Variants in MYCBP2 observed in about 807,000 individuals in gnomAD.
The protein encoded by MYCBP2 is E3 ubiquitin-protein ligase MYCBP2.
Under a neutral mutation model 525.3 loss-of-function variants are expected in MYCBP2, and 120 were observed. The ratio of observed to expected loss-of-function variants is 0.23; its 90% confidence interval spans 0.20 to 0.27. MYCBP2 has a LOEUF of 0.27. Among genes scored for constraint, MYCBP2 ranks in the 10% least tolerant of loss-of-function variants. The probability of loss-of-function intolerance (pLI) is 1.00; values close to 1 mark genes in which losing one functional copy is unlikely to be tolerated. For synonymous variants in MYCBP2, 1,894 were observed against 1,955.8 expected (o/e 0.97, Z 0.83); for missense variants, 4,149 against 5,657.1 (o/e 0.73, Z 8.55).
rs562562490 is a variant in MYCBP2 at position 77,202,422 on chromosome 13, A to G, written c.3843+2834T>C. On this transcript the variant is annotated intron_variant, in intron 26 of 82. Transcript: ENST00000544440. ...AATCAACAGCTTACCAACCAAAAAG[A>G]GTCCAGGACCAGATGGATTCACAGC... 6.8e-3 allele frequency among the ~76,000 whole-genome samples: 1,038 copies of G among 152,322 alleles called. 6 individuals carry two copies. The highest frequency in any genetic ancestry group is 0.024 in the African/African-American group (988 of 41,562).
intron 1 of MYCBP2, among the ~76,000 whole-genome samples, chr13:77,303,712 G>C (rs2079065319): frequency 6.6e-6 from 1 of 151,864 alleles, no homozygotes; most frequent in South Asian, 2.1e-4. Context: ...GTAGAATGCT[G>C]CTAACGCAGT....
At chr13:77,240,453 CA>C (rs1436134976) in intron 17 of MYCBP2, among the ~76,000 whole-genome samples, 3 of 151,914 alleles carry the variant, frequency 2.0e-5, no homozygotes, top group Non-Finnish European at 4.4e-5. Context: ...ACTAAAAATA[CA>C]AAAATTAGCC....
At chr13:77,082,964 T>C in intron 63 of MYCBP2, 68 bp downstream of exon 63, 1 of 1,456,046 alleles carries the variant, frequency 6.9e-7, no homozygotes, top group Non-Finnish European at 9.3e-7. Flanking sequence ...TTTGGAGCAT[T>C]TCATACTTTG....
intron 82 of MYCBP2, among the ~76,000 whole-genome samples, chr13:77,047,007 T>A (rs75830615): frequency 1.3e-5 from 2 of 151,772 alleles, no homozygotes; most frequent in South Asian, 4.2e-4. Flanking sequence ...AGCCCTTGGG[T>A]TTTTTCAAGG....
At chr13:77,133,100 T>A (rs2053180885) in intron 52 of MYCBP2, among the ~76,000 whole-genome samples, 1 of 152,162 alleles carries the variant, frequency 6.6e-6, no homozygotes, top group Non-Finnish European at 1.5e-5. Context: ...CATCCTTTTA[T>A]AACTATATTT....
At chr13:77,271,121 C>A (rs553767075) in intron 5 of MYCBP2, among the ~76,000 whole-genome samples, 1 of 152,060 alleles carries the variant, frequency 6.6e-6, no homozygotes, top group Non-Finnish European at 1.5e-5. Flanking sequence ...ATTACTTTAA[C>A]CATACTTTAT....
At chr13:77,138,685 A>G (rs1037626992) in intron 52 of MYCBP2, among the ~76,000 whole-genome samples, 19 of 152,324 alleles carry the variant, frequency 1.2e-4, no homozygotes, top group African/African-American at 4.6e-4. Flanking sequence ...ACTAGGATTT[A>G]ACTTCAACTA....
intron 49 of MYCBP2, among the ~76,000 whole-genome samples, chr13:77,141,530 GGAGGCCGGGGCAGGCGGATCACCT>G (rs1396286452): frequency 6.6e-6 from 1 of 152,144 alleles, no homozygotes; most frequent in Non-Finnish European, 1.5e-5. Context: ...CAGCACTTTG[GGAGGCCGGGGCAGGCGGATCACCT>G]GAGGTCGGGA....
chr13:77,094,016 T>C (rs1323063744), intron 58 of MYCBP2, among the ~76,000 whole-genome samples: 1 of 152,180 alleles, frequency 6.6e-6, no homozygotes, highest in Non-Finnish European at 1.5e-5. Flanking sequence ...AGTGGTGTGA[T>C]TCACACTAAA....
At chr13:77,159,557 G>A (rs2057623256) in intron 44 of MYCBP2, among the ~76,000 whole-genome samples, 1 of 152,102 alleles carries the variant, frequency 6.6e-6, no homozygotes, top group Non-Finnish European at 1.5e-5. Context: ...ACATGTTGGG[G>A]GAGTGACCTG....
chr13:77,156,830 A>G (rs941573018), intron 45 of MYCBP2, among the ~76,000 whole-genome samples: 1 of 152,248 alleles, frequency 6.6e-6, no homozygotes, highest in Non-Finnish European at 1.5e-5. Flanking sequence ...TAATTCTACC[A>G]TGCATTACAT....
At position 77,294,131 on chromosome 13, in the gene MYCBP2, C is replaced by CATAT; in HGVS notation, c.378+2464_378+2467dup. On this transcript the variant is annotated intron_variant, in intron 2 of 82. Coordinates refer to ENST00000544440, the MANE Select transcript of MYCBP2 (RefSeq NM_015057.5). The stretch of plus-strand genomic sequence containing the variant: ...ATATATATATATATATATATATATA[C>CATAT]ATATATATATACATATATATAAAAT... Among the ~76,000 whole-genome samples, 567 of 65,684 alleles carry CATAT rather than the reference C, an allele frequency of 8.6e-3. 30 individuals carry two copies. Among genetic ancestry groups the CATAT allele is most frequent in the East Asian group, 0.062 (161 of 2,604 alleles). The allele number at this position is 65,684 out of a possible 152,430, so 43.1% of individuals were successfully genotyped here. A position where few individuals can be genotyped will look rare whatever the true frequency, so the allele number is the denominator to read the frequency against.
Position 77,095,335 on chromosome 13 carries a change from A to C in MYCBP2, c.10199+23T>G, listed in dbSNP as rs763435534. The C allele has an allele frequency of 1.9e-6, 3 of 1,612,032 alleles. No homozygotes were observed. The South Asian group carries it at 3.3e-5, about 18-fold the overall frequency. On this transcript the variant is annotated intron_variant, in intron 58 of 82. Transcript: ENST00000544440. ...CGCTGTTAATCCAAAGGTGATTAAA[A>C]AACAACAGCAAAATTTTATTACCTA...
intron 2 of MYCBP2, among the ~76,000 whole-genome samples, chr13:77,290,419 C>T (rs1479380183): frequency 2.6e-5 from 4 of 152,156 alleles, no homozygotes; most frequent in Non-Finnish European, 4.4e-5. Context: ...CACGAATGTT[C>T]GTAATAGCAT....
At chr13:77,279,717 A>G (rs2075993021) in intron 3 of MYCBP2, among the ~76,000 whole-genome samples, 1 of 152,220 alleles carries the variant, frequency 6.6e-6, no homozygotes, top group African/African-American at 2.4e-5. Flanking sequence ...TATATTACAT[A>G]AATACCTCCT....
Position 77,061,654 on chromosome 13 carries a change from A to G in MYCBP2, c.12903+8T>C. The G allele has an allele frequency of 1.2e-6, 2 of 1,608,656 alleles. No individual in the cohort carries two copies. Among genetic ancestry groups the G allele is most frequent in the South Asian group, 1.1e-5 (1 of 89,678 alleles). On this transcript the variant is annotated splice_region_variant and intron_variant, in intron 75 of 82. Transcript: ENST00000544440. The stretch of plus-strand genomic sequence containing the variant: ...CATATTTTATGCTCCAGAGACAAAA[A>G]TCTTCACCTGTCTTTGATGAGTTTT...
chr13:77,065,921 C>A (rs944127714), intron 72 of MYCBP2, 71 bp downstream of exon 72: 2 of 1,069,638 alleles, frequency 1.9e-6, no homozygotes, highest in Non-Finnish European at 2.8e-6. Flanking sequence ...CCTATCAATT[C>A]AGCAGAGTAA....
rs2061313947 is a variant in MYCBP2 at position 77,191,667 on chromosome 13, G to T, written c.4070+12C>A. On this transcript the variant is annotated intron_variant, in intron 28 of 82. Transcript: ENST00000544440. ...TAAGTATTGCTTAAGTAACACTTGG[G>T]CATTTACTTACCCATCATCTGTGGT... 3 of 1,610,314 alleles carry T rather than the reference G, an allele frequency of 1.9e-6. No individual in the cohort carries two copies. The highest frequency in any genetic ancestry group is 2.5e-6 in the Non-Finnish European group (3 of 1,178,688).
In MYCBP2 at chr13:77,064,687, T is replaced by C. The variant is rs781008361; in HGVS notation, c.12600A>G (p.Ala4200=). 6.8e-6 allele frequency: 11 copies of C among 1,613,872 alleles called. 1 individual carries two copies. The South Asian group carries it at 1.2e-4, about 18-fold the overall frequency. The change falls in exon 73 of 83, where the codon GCA becomes GCG. Residue 4200 remains alanine, a synonymous_variant. Coordinates refer to ENST00000544440, the MANE Select transcript of MYCBP2 (RefSeq NM_015057.5). ...TCTTGGTCAAGGCAATGATGGTTTC[T>C]GCAATAGCATTTTTTGTCACTCGGG... ...AWSRVTKNAI[A]ETIIALTKME... is the part of the protein sequence containing the mutation.
Sources: gnomAD v4.1 joint callset for allele counts (sites outside exome capture counted in the v4.1 genomes callset) on GRCh38, gnomAD v4.1.1 for gene constraint, MANE v1.5 for transcripts, NCBI Gene and HGNC (gene_info 2026-07-23, HGNC 2026-07-21) for gene names.